TRAPPC6B: variants seen among roughly 807,000 people sequenced by gnomAD.
TRAPPC6B encodes TRAPP complex subunit 6B.
A neutral mutation model predicts 24.7 loss-of-function variants in TRAPPC6B; 27 were observed. The ratio of observed to expected loss-of-function variants is 1.09; its 90% CI spans 0.81 to 1.51. TRAPPC6B has a LOEUF of 1.51. TRAPPC6B is among the 40% of genes most tolerant of loss of function. TRAPPC6B has a pLI of 0.00. For synonymous variants in TRAPPC6B, 80 were observed against 66.6 expected, an observed-to-expected ratio of 1.20 and a Z score of -0.98; for missense variants, 212 against 190.8, an observed-to-expected ratio of 1.11 and a Z score of -0.66.
chr14:39,150,383 T>TAAA lies in TRAPPC6B; in HGVS notation c.446-5_446-3dup. On this transcript the variant is annotated splice_region_variant and splice_polypyrimidine_tract_variant and intron_variant, in intron 5 of 5. Coordinates refer to ENST00000330149, the MANE Select transcript of TRAPPC6B (RefSeq NM_001079537.2). ...TCTGTATCATCACCTGAAATTTGCCTAAAAAAAAAAATACAAATAATTCTT... is the reference window on the plus strand; with the variant it reads ...TCTGTATCATCACCTGAAATTTGCCTAAAAAAAAAAAAAATACAAATAATTCTT... 3 of 1,284,794 alleles carry TAAA rather than the reference T, an allele frequency of 2.3e-6. No individual in the cohort carries two copies. The highest frequency in any genetic ancestry group is 3.1e-6 in the Non-Finnish European group (3 of 954,802). 79.6% of individuals were successfully genotyped at this position (1,284,794 alleles called of 1,614,324 possible).
chr14:39,165,090 G>C (rs1209171937), intron 1 of TRAPPC6B, among the ~76,000 whole-genome samples: 2 of 149,178 alleles, frequency 1.3e-5, no homozygotes, highest in Admixed American at 6.8e-5. Flanking sequence ...CAGTTGCCCA[G>C]GCTGGAGTGT....
intron 4 of TRAPPC6B, 94 bp from the exon 5 acceptor site, chr14:39,151,933 G>T: frequency 1.2e-6 from 1 of 810,410 alleles, no homozygotes; most frequent in Non-Finnish European, 1.9e-6. Flanking sequence ...TCATCAGTAA[G>T]TCATTCCTGT....
chr14:39,155,182 A>G (rs1369167360), intron 3 of TRAPPC6B, among the ~76,000 whole-genome samples: 1 of 152,078 alleles, frequency 6.6e-6, no homozygotes, highest in Non-Finnish European at 1.5e-5. Flanking sequence ...CTCCTGCCTC[A>G]GCCTCCCAAA....
chr14:39,164,309 G>A (rs1472504623), intron 1 of TRAPPC6B, among the ~76,000 whole-genome samples: 2 of 152,206 alleles, frequency 1.3e-5, no homozygotes, highest in South Asian at 2.1e-4. Context: ...TTACCGACAC[G>A]GAAAAACCCC....
At chr14:39,161,443 G>A (rs1036613787) in intron 1 of TRAPPC6B, among the ~76,000 whole-genome samples, 3 of 152,142 alleles carry the variant, frequency 2.0e-5, no homozygotes, top group African/African-American at 4.8e-5. Context: ...CAGTGCTTAC[G>A]TCACTGAGGT....
At chr14:39,160,656 G>A (rs1594540893) in intron 1 of TRAPPC6B, among the ~76,000 whole-genome samples, 2 of 151,738 alleles carry the variant, frequency 1.3e-5, no homozygotes, top group African/African-American at 4.8e-5. Flanking sequence ...GAGAAAGAGA[G>A]AGAGAAAGAG....
At chr14:39,159,597 G>T in intron 1 of TRAPPC6B, 47 bp from the exon 2 acceptor site, 2 of 1,356,880 alleles carry the variant, frequency 1.5e-6, no homozygotes, top group Non-Finnish European at 2.0e-6. Flanking sequence ...ATGCTAGGAT[G>T]TTAGTATTCA....
chr14:39,162,660 G>A (rs2053071255), intron 1 of TRAPPC6B, among the ~76,000 whole-genome samples: 3 of 152,104 alleles, frequency 2.0e-5, no homozygotes, highest in Admixed American at 1.3e-4. Context: ...GCTTCAAAAT[G>A]TCTCAGAATC....
chr14:39,169,937 A>G (rs548572791), intron 1 of TRAPPC6B, 78 bp downstream of exon 1: 140 of 1,448,976 alleles, frequency 9.7e-5, no homozygotes, highest in Non-Finnish European at 1.2e-4. Flanking sequence ...GCGATGGGAC[A>G]GGGGTTGAAG....
At chr14:39,151,696 C>A in intron 5 of TRAPPC6B, 50 bp downstream of exon 5, 6 of 1,344,872 alleles carry the variant, frequency 4.5e-6, no homozygotes, top group Non-Finnish European at 4.1e-6. Context: ...AAAAAACAGA[C>A]CTGAAAACAA....
At position 39,160,606 on chromosome 14, in the gene TRAPPC6B, A is replaced by G. The variant is rs139213463; in HGVS notation, c.82-1056T>C. Among the ~76,000 whole-genome samples the G allele has an allele frequency of 3.7e-4, 56 of 150,346 alleles. No homozygotes were observed. The East Asian group carries it at 0.011, about 28-fold the overall frequency. ...AAGAGAAGAGAAGAGAAAGAAAAGA[A>G]AAGAAGAGGGGAGGGGAGGGGAGGG... On this transcript the variant is annotated intron_variant, in intron 1 of 5. Coordinates refer to ENST00000330149, the MANE Select transcript of TRAPPC6B (RefSeq NM_001079537.2).
rs2052872453 is a variant in TRAPPC6B at position 39,147,943 on chromosome 14, C to G, written c.*2407G>C. ...GAATAACCTAACTCTCCCTTTGTTTCTACTAAGAGAGGTTTCTTTTTGGCT... is the reference window on the plus strand; with the variant it reads ...GAATAACCTAACTCTCCCTTTGTTTGTACTAAGAGAGGTTTCTTTTTGGCT... On this transcript the variant is annotated 3_prime_UTR_variant, in exon 6 of 6. Transcript: ENST00000330149. 6.6e-6 allele frequency: 1 copy of G among 152,176 alleles called. No homozygotes were observed. Among genetic ancestry groups the G allele is most frequent in the Non-Finnish European group, 1.5e-5 (1 of 68,024 alleles). The allele number at this position is 152,176 out of a possible 1,614,324, so 9.4% of individuals were successfully genotyped here.
chr14:39,159,499 G>T lies in TRAPPC6B; in HGVS notation c.133C>A (p.Gln45Lys), dbSNP rs1222837360. Reference protein sequence around the residue: ...KLENMGFRVGQGLIERFTKDT... With the variant: ...KLENMGFRVGKGLIERFTKDT... ...CCTGCTCACCTTTCTATCAATCCTT[G>T]TCCCACTCGAAACCCCATGTTTTCC... Residue 45 changes from glutamine to lysine, a missense_variant, in exon 2 of 6, where the codon CAA (glutamine) becomes AAA (lysine). Coordinates refer to ENST00000330149, the MANE Select transcript of TRAPPC6B (RefSeq NM_001079537.2). 1.9e-6 allele frequency: 3 copies of T among 1,604,582 alleles called. No homozygotes were observed. In the East Asian group the frequency reaches 6.8e-5, roughly 36 times the overall value.
chr14:39,170,241 C>G lies in TRAPPC6B; in HGVS notation c.-146G>C, dbSNP rs2053155326. ...TGTGGCTAAGAGACCGAGGTATTCA[C>G]ACGACTTCCCAAAGGCTGGTACTGA... On this transcript the variant is annotated 5_prime_UTR_variant, in exon 1 of 6. Coordinates refer to ENST00000330149, the MANE Select transcript of TRAPPC6B (RefSeq NM_001079537.2). 1 of 676,852 alleles carries G rather than the reference C, an allele frequency of 1.5e-6. No homozygotes were observed. Among genetic ancestry groups the G allele is most frequent in the African/African-American group, 1.8e-5 (1 of 55,414 alleles). The allele number at this position is 676,852 out of a possible 1,614,324, so 41.9% of individuals were successfully genotyped here.
At chr14:39,152,234 C>G (rs1340610034) in intron 4 of TRAPPC6B, among the ~76,000 whole-genome samples, 1 of 152,182 alleles carries the variant, frequency 6.6e-6, no homozygotes, top group Non-Finnish European at 1.5e-5. Context: ...GCTGCCTTAA[C>G]CTCCCCTGGT....
rs1235189185 is a variant in TRAPPC6B at position 39,148,591 on chromosome 14, A to C, written c.*1759T>G. ...AATTCTCACACCTGTTTTATTTTGA[A>C]GTTCTCTATTGTGTTCTATTTTGAT... On this transcript the variant is annotated 3_prime_UTR_variant, in exon 6 of 6. Coordinates refer to ENST00000330149, the MANE Select transcript of TRAPPC6B (RefSeq NM_001079537.2). 5.0e-6 allele frequency: 2 copies of C among 398,236 alleles called. No homozygotes were observed. Among genetic ancestry groups the C allele is most frequent in the Non-Finnish European group, 8.9e-6 (2 of 225,944 alleles). 24.7% of individuals were successfully genotyped at this position (398,236 alleles called of 1,614,324 possible). A position where few individuals can be genotyped will look rare whatever the true frequency, so the allele number is the denominator to read the frequency against.
At position 39,170,305 on chromosome 14, in the gene TRAPPC6B, T is replaced by C. The variant is rs1265409820; in HGVS notation, c.-210A>G. 3 of 568,216 alleles carry C rather than the reference T, an allele frequency of 5.3e-6. No individual in the cohort carries two copies. The highest frequency in any genetic ancestry group is 6.1e-5 in the East Asian group (2 of 32,690). 35.2% of individuals were successfully genotyped at this position (568,216 alleles called of 1,614,324 possible). A position where few individuals can be genotyped will look rare whatever the true frequency, so the allele number is the denominator to read the frequency against. ...CTGGAGAGAGCCCACACTTCGGGGC[T>C]ACCAAATCCTAGGGCCGAACTAAAG... On this transcript the variant is annotated 5_prime_UTR_variant, in exon 1 of 6. Coordinates refer to ENST00000330149, the MANE Select transcript of TRAPPC6B (RefSeq NM_001079537.2).
intron 1 of TRAPPC6B, among the ~76,000 whole-genome samples, chr14:39,160,423 A>G (rs2053041810): frequency 6.6e-6 from 1 of 151,976 alleles, no homozygotes; most frequent in African/African-American, 2.4e-5. Context: ...ACTAAAAGTA[A>G]AAATAAAATA....
chr14:39,157,919 CA>C (rs1035768285), intron 3 of TRAPPC6B: 5 of 165,578 alleles, frequency 3.0e-5, no homozygotes, highest in Non-Finnish European at 6.4e-5. Flanking sequence ...TCTTCTTCTT[CA>C]AAAAAAAGAA....
Sources: gnomAD v4.1 joint callset for allele counts (sites outside exome capture counted in the v4.1 genomes callset) on GRCh38, gnomAD v4.1.1 for gene constraint, MANE v1.5 for transcripts, NCBI Gene and HGNC (gene_info 2026-07-23, HGNC 2026-07-21) for gene names.